The following NOS1 variants were observed in gnomAD, a reference collection of about 807,000 sequenced individuals.
NOS1 encodes nitric oxide synthase 1.
Under a neutral mutation model 164.5 loss-of-function variants are expected in NOS1, and 51 were observed. The observed-to-expected ratio is 0.31, with a 90% CI of 0.25 to 0.39. NOS1 has a LOEUF of 0.39. Among genes scored for constraint, NOS1 ranks in the 10% least tolerant of loss-of-function variants. The pLI is 1.00. For synonymous variants in NOS1, 719 were observed against 745.8 expected (o/e 0.96, Z 0.59); for missense variants, 1,362 against 1,885.6 (o/e 0.72, Z 5.14).
At chr12:117,336,835 CA>C (rs1476776314) in intron 1 of NOS1, among the ~76,000 whole-genome samples, 2 of 152,130 alleles carry the variant, frequency 1.3e-5, no homozygotes, top group Non-Finnish European at 2.9e-5. Flanking sequence ...CTCACTCTGT[CA>C]CCCAGGCTGG....
chr12:117,288,451 C>A (rs1872849833), intron 4 of NOS1, among the ~76,000 whole-genome samples: 1 of 152,148 alleles, frequency 6.6e-6, no homozygotes. Context: ...ATCTTGGGAA[C>A]AGAAGCTTTT....
Position 117,232,045 on chromosome 12 carries a change from G to C in NOS1, c.3322C>G (p.Pro1108Ala). 1.2e-6 allele frequency: 2 copies of C among 1,612,554 alleles called. No homozygotes were observed. The highest frequency in any genetic ancestry group is 1.7e-6 in the Non-Finnish European group (2 of 1,180,020). ...TGCTGCAGCTGCAGAGGCGTTGGTG[G>C]CGTGGTGATGTCCAGGTAGTACTTG... Reference protein sequence around the residue: ...AFKYYLDITTPPTPLQLQQFA... With the variant: ...AFKYYLDITTAPTPLQLQQFA... The change falls in exon 22 of 29, where the codon CCA (proline) becomes GCA (alanine). Residue 1108 changes from proline to alanine, a missense_variant. Physicochemically the swap from Pro to Ala is conservative, Grantham distance 27. Coordinates refer to ENST00000317775, the MANE Select transcript of NOS1 (RefSeq NM_000620.5).
chr12:117,275,911 G>A (rs1873140003), intron 9 of NOS1, among the ~76,000 whole-genome samples: 1 of 152,090 alleles, frequency 6.6e-6, no homozygotes, highest in Admixed American at 6.6e-5. Flanking sequence ...GTGCCTCACG[G>A]TGGATGTCCT....
At chr12:117,258,494 A>G in intron 15 of NOS1, 39 bp from the exon 16 acceptor site, 3 of 1,604,092 alleles carry the variant, frequency 1.9e-6, no homozygotes, top group Non-Finnish European at 1.7e-6. Context: ...AGCACATCTT[A>G]GTAAATGGGA....
chr12:117,314,264 C>T (rs561712), intron 2 of NOS1, among the ~76,000 whole-genome samples: 57,777 of 152,012 alleles, frequency 0.38, 11,389 homozygotes, highest in Middle Eastern at 0.43. Flanking sequence ...CCCAAGTCAA[C>T]GGCTACCTAC....
chr12:117,241,624 C>G (rs1870185568), intron 20 of NOS1, among the ~76,000 whole-genome samples: 1 of 152,010 alleles, frequency 6.6e-6, no homozygotes, highest in Non-Finnish European at 1.5e-5. Context: ...CAACAGGGAT[C>G]TATGCAAAGA....
chr12:117,213,650 CT>C lies in NOS1; in HGVS notation c.*1658del. 1.0e-6 allele frequency: 1 copy of C among 985,462 alleles called. No homozygotes were observed. Among genetic ancestry groups the C allele is most frequent in the Non-Finnish European group, 1.2e-6 (1 of 829,956 alleles). 61.0% of individuals were successfully genotyped at this position (985,462 alleles called of 1,614,324 possible). ...ACTTCCTCTTTAGCAGACACCCAAACTGAACAACAAGATATGCCCACGTACA... is the reference window on the plus strand; with the variant it reads ...ACTTCCTCTTTAGCAGACACCCAAACGAACAACAAGATATGCCCACGTACA... On this transcript the variant is annotated 3_prime_UTR_variant, in exon 29 of 29. Coordinates refer to ENST00000317775, the MANE Select transcript of NOS1 (RefSeq NM_000620.5).
chr12:117,330,542 G>A lies in NOS1; in HGVS notation c.528C>T (p.Asn176=), dbSNP rs368656923. The A allele has an allele frequency of 3.0e-5, 48 of 1,613,824 alleles. No homozygotes were observed. The East Asian group carries it at 3.3e-4, about 11-fold the overall frequency. ...GGCCTGGGGGCCTGGGGGCCAGGCC[G>A]TTGGCATGGGGGAGTGAGCCAGCCT... ...GQEAGSLPHA[N]GLAPRPPGQD... The change falls in exon 2 of 29, where the codon AAC becomes AAT. Residue 176 remains asparagine (N), a synonymous_variant. Coordinates refer to ENST00000317775, the MANE Select transcript of NOS1 (RefSeq NM_000620.5). The surrounding 1 kb of genome is among the most constrained non-coding windows in gnomAD (Gnocchi z 4.6).
In NOS1 at chr12:117,315,487, A is replaced by G. The variant is rs16947447; in HGVS notation, c.726-3895T>C. 1.0e-2 allele frequency among the ~76,000 whole-genome samples: 1,521 copies of G among 152,314 alleles called. 19 individuals are homozygous for G. Among genetic ancestry groups the G allele is most frequent in the African/African-American group, 0.034 (1,426 of 41,560 alleles). ...GGAAGGATATTTTTAATATGGGACC[A>G]TGAGAAACATCCAGGTTGAACTATT... On this transcript the variant is annotated intron_variant, in intron 2 of 28. Coordinates refer to ENST00000317775, the MANE Select transcript of NOS1 (RefSeq NM_000620.5).
chr12:117,352,244 T>C (rs1040043462), intron 1 of NOS1, among the ~76,000 whole-genome samples: 1 of 152,120 alleles, frequency 6.6e-6, no homozygotes, highest in Non-Finnish European at 1.5e-5. Context: ...CAAGAGCCGA[T>C]GTCATGGCAC....
At chr12:117,354,518 T>C (rs1876774872) in intron 1 of NOS1, among the ~76,000 whole-genome samples, 1 of 152,250 alleles carries the variant, frequency 6.6e-6, no homozygotes, top group South Asian at 2.1e-4. Flanking sequence ...GAGATACTGC[T>C]TCAAAAAAAT....
chr12:117,292,562 G>A (rs2136028805), intron 3 of NOS1, among the ~76,000 whole-genome samples: 1 of 152,300 alleles, frequency 6.6e-6, no homozygotes, highest in South Asian at 2.1e-4. Context: ...CACTGATTAT[G>A]TGCCAAGCAA....
Position 117,234,466 on chromosome 12 carries a change from T to C in NOS1, c.3235+99A>G, listed in dbSNP as rs1869530195. 7.8e-7 allele frequency: 1 copy of C among 1,277,774 alleles called. No homozygotes were observed. Among genetic ancestry groups the C allele is most frequent in the Non-Finnish European group, 1.1e-6 (1 of 913,736 alleles). The allele number at this position is 1,277,774 out of a possible 1,614,324, so 79.2% of individuals were successfully genotyped here. ...TGTTAGCAACAGACACCCACTCTCC[T>C]GCCTGGACTGGTGATTGGGAAGAAA... On this transcript the variant is annotated intron_variant, in intron 21 of 28. Transcript: ENST00000317775. This position sits in a 1 kb window ranked among gnomAD's most constrained non-coding sequence, Gnocchi z 4.3.
chr12:117,221,708 A>C (rs1440052096), intron 26 of NOS1, among the ~76,000 whole-genome samples: 1 of 151,432 alleles, frequency 6.6e-6, no homozygotes, highest in African/African-American at 2.4e-5. Context: ...ATCACAGCTC[A>C]CTGAAGCCTT....
chr12:117,245,861 T>A (rs2135958313), intron 18 of NOS1: 1 of 152,456 alleles, frequency 6.6e-6, no homozygotes, highest in East Asian at 1.9e-4. Context: ...GAGGTTGCAG[T>A]GAGCCAACAT....
In NOS1 at chr12:117,217,316, C is replaced by T. The variant is rs115283674; in HGVS notation, c.4289+730G>A. 1.7e-3 allele frequency among the ~76,000 whole-genome samples: 264 copies of T among 152,256 alleles called. 2 individuals are homozygous for T. Among genetic ancestry groups the T allele is most frequent in the African/African-American group, 6.0e-3 (250 of 41,550 alleles). On this transcript the variant is annotated intron_variant, in intron 28 of 28. Transcript: ENST00000317775. ...TCTCCCCACTTTCCTAAATGAGCAG[C>T]GTTCAAACACTTTTGTAGAAGAAAC...
chr12:117,227,418 T>G lies in NOS1; in HGVS notation c.3616+13A>C. The G allele has an allele frequency of 6.2e-7, 1 of 1,612,210 alleles. No individual in the cohort carries two copies. On this transcript the variant is annotated intron_variant, in intron 23 of 28. Transcript: ENST00000317775. The stretch of plus-strand genomic sequence containing the variant: ...AATGCAGCTGAGGAGGCTCTCCCAG[T>G]GCCTCCGCCCACCTCGAGTGCGGTA...
chr12:117,252,796 T>C (rs1481443881), intron 17 of NOS1, among the ~76,000 whole-genome samples: 2 of 152,228 alleles, frequency 1.3e-5, no homozygotes, highest in Admixed American at 6.5e-5. Context: ...CAGTGATCTA[T>C]ATCATCTACT....
In NOS1 at chr12:117,212,431, A is replaced by T; in HGVS notation, c.*2878T>A. 2.0e-6 allele frequency: 2 copies of T among 985,432 alleles called. No individual in the cohort carries two copies. Among genetic ancestry groups the T allele is most frequent in the Non-Finnish European group, 2.4e-6 (2 of 829,942 alleles). 61.0% of individuals were successfully genotyped at this position (985,432 alleles called of 1,614,324 possible). On this transcript the variant is annotated 3_prime_UTR_variant, in exon 29 of 29. Transcript: ENST00000317775. ...GACACCTGGCTGTCTCACTCCAGGGAAACCAAAAGAAGCCCTCTCTCCTCC... is the reference window on the plus strand; with the variant it reads ...GACACCTGGCTGTCTCACTCCAGGGTAACCAAAAGAAGCCCTCTCTCCTCC...
Sources: gnomAD v4.1 joint callset for allele counts (sites outside exome capture counted in the v4.1 genomes callset) on GRCh38, gnomAD v4.1.1 for gene constraint, Gnocchi (gnomAD v3.1) non-coding constraint, MANE v1.5 for transcripts, NCBI Gene and HGNC (gene_info 2026-07-23, HGNC 2026-07-21) for gene names.